Variants in ABCC8 observed in about 807,000 individuals in gnomAD.
ABCC8 encodes ATP-binding cassette sub-family C member 8.
A neutral mutation model predicts 188.0 loss-of-function variants in ABCC8; 137 were observed. The ratio of observed to expected loss-of-function variants is 0.73; its 90% CI spans 0.63 to 0.84. The LOEUF (loss-of-function observed/expected upper bound fraction) is 0.84, where lower values mean the gene tolerates loss of function less well. Among genes scored for constraint, ABCC8 ranks in the 40% least tolerant of loss-of-function variants. The pLI is 0.00. For synonymous variants in ABCC8, 797 were observed against 846.5 expected (o/e 0.94, Z 1.01); for missense variants, 1,750 against 2,072.7 (o/e 0.84, Z 3.02).
intron 16 of ABCC8, among the ~76,000 whole-genome samples, chr11:17,421,191 A>G (rs1380934936): frequency 6.6e-6 from 1 of 152,208 alleles, no homozygotes; most frequent in Non-Finnish European, 1.5e-5. Context: ...CAAAATACAC[A>G]TCTGCATGGG....
At chr11:17,412,840 C>T (rs1302431996) in intron 20 of ABCC8, 94 bp from the exon 21 acceptor site, 18 of 1,548,420 alleles carry the variant, frequency 1.2e-5, no homozygotes, top group Non-Finnish European at 1.5e-5. Flanking sequence ...GGGATGGAGG[C>T]CTGGCTCTAT....
chr11:17,450,313 T>TCTCTCTCTCTCTCTCTTTC (rs1956739660), intron 7 of ABCC8, among the ~76,000 whole-genome samples: 1 of 130,774 alleles, frequency 7.6e-6, no homozygotes, highest in African/African-American at 3.4e-5. Context: ...TTTCTTTCTT[T>TCTCTCTCTCTCTCTCTTTC]CTTTCTTTCT....
chr11:17,432,754 C>A (rs1050642683), intron 10 of ABCC8, among the ~76,000 whole-genome samples: 3 of 152,090 alleles, frequency 2.0e-5, no homozygotes, highest in Non-Finnish European at 4.4e-5. Context: ...GCAGGATGTC[C>A]CTTAGAGTCT....
intron 29 of ABCC8, among the ~76,000 whole-genome samples, chr11:17,400,859 C>T (rs1364434822): frequency 3.9e-5 from 6 of 152,334 alleles, no homozygotes; most frequent in Middle Eastern, 6.8e-3. Flanking sequence ...ACACTTAGCA[C>T]GGTGCCTGGC....
rs1211875269 is a variant in ABCC8, at chr11:17,396,946, G to C, written c.4089C>G (p.His1363Gln). The C allele has an allele frequency of 1.2e-6, 2 of 1,614,088 alleles. No individual in the cohort carries two copies. Among genetic ancestry groups the C allele is most frequent in the Non-Finnish European group, 1.7e-6 (2 of 1,180,030 alleles). Residue 1363 changes from histidine to glutamine, a missense_variant, in exon 33 of 39, where the codon CAC becomes CAG. Transcript: ENST00000389817. ...YDSSLKPVLK[H>Q]VNALIAPGQK... ...GTCCAGGGGCGATGAGGGCATTGAC[G>C]TGCTTCAGCACCGGCTTCAGGGAGC...
chr11:17,408,449 G>A lies in ABCC8; in HGVS notation c.2763C>T (p.Cys921=). The A allele has an allele frequency of 1.2e-6, 2 of 1,613,780 alleles. No individual in the cohort carries two copies. The highest frequency in any genetic ancestry group is 1.7e-6 in the Non-Finnish European group (2 of 1,180,028). ...GTLKDFQRSE[C]QLFEHWKTLM... ...GGGTCTTCCAGTGCTCAAAGAGCTG[G>A]CATTCAGACCTCTGGAAGTCCTTGA... Residue 921 remains cysteine, a synonymous_variant, in exon 23 of 39, where the codon TGC becomes TGT. Coordinates refer to ENST00000389817, the MANE Select transcript of ABCC8 (RefSeq NM_000352.6).
chr11:17,410,229 A>G (rs1954743139), intron 22 of ABCC8: 1 of 415,224 alleles, frequency 2.4e-6, no homozygotes, highest in Non-Finnish European at 4.4e-6. Flanking sequence ...AGAAGGTGAG[A>G]AGTGAGCACT....
chr11:17,398,397 G>T lies in ABCC8; in HGVS notation c.3695C>A (p.Ser1232Tyr). 1 of 1,614,130 alleles carries T rather than the reference G, an allele frequency of 6.2e-7. No individual in the cohort carries two copies. The highest frequency in any genetic ancestry group is 8.5e-7 in the Non-Finnish European group (1 of 1,179,998). ...GAGGAAGAGGGAAGCAATGTTGTTGGAGTCTGTGTATTCGAGAAGCTTCTG... is the reference window on the plus strand; with the variant it reads ...GAGGAAGAGGGAAGCAATGTTGTTGTAGTCTGTGTATTCGAGAAGCTTCTG... Reference protein sequence around the residue: ...FQQKLLEYTDSNNIASLFLTA... With the variant: ...FQQKLLEYTDYNNIASLFLTA... The change falls in exon 30 of 39, where the codon TCC (serine) becomes TAC (tyrosine). Residue 1232 changes from serine (S) to tyrosine (Y), a missense_variant. Ser to Tyr is a moderately radical substitution (Grantham distance 144). Coordinates refer to ENST00000389817, the MANE Select transcript of ABCC8 (RefSeq NM_000352.6).
chr11:17,448,450 A>G (rs1956625684), intron 8 of ABCC8, 66 bp downstream of exon 8: 2 of 1,431,774 alleles, frequency 1.4e-6, no homozygotes, highest in Admixed American at 3.3e-5. Flanking sequence ...GTTACTGGCC[A>G]TGGACCAGCA....
At chr11:17,416,796 C>T (rs1163192560) in intron 17 of ABCC8, 134 bp downstream of exon 17, 6 of 1,368,760 alleles carry the variant, frequency 4.4e-6, no homozygotes, top group Non-Finnish European at 6.1e-6. Flanking sequence ...AGGCCTTAGC[C>T]CCATGTCTCT....
At chr11:17,426,018 AC>A (rs1270361282) in intron 16 of ABCC8, among the ~76,000 whole-genome samples, 7 of 152,092 alleles carry the variant, frequency 4.6e-5, no homozygotes, top group African/African-American at 1.7e-4. Context: ...CACGAACTCA[AC>A]CTTTTTTATG....
At chr11:17,471,677 C>T (rs914290471) in intron 2 of ABCC8, among the ~76,000 whole-genome samples, 3 of 152,220 alleles carry the variant, frequency 2.0e-5, no homozygotes, top group Non-Finnish European at 4.4e-5. Flanking sequence ...GCAGCATGCC[C>T]TCTCTGCTCA....
rs548831332 is a variant in ABCC8, at chr11:17,436,864, G to A, written c.1631-4620C>T. On this transcript the variant is annotated intron_variant, in intron 10 of 38. Transcript: ENST00000389817. ...AGCACTCTGGGAGGCCAAGGTGGGT[G>A]GATCACCTGAGGTCAGGAGTTTGAG... Among the ~76,000 whole-genome samples the A allele has an allele frequency of 5.1e-4, 77 of 152,258 alleles. No individual in the cohort carries two copies. The East Asian group carries it at 0.013, about 25-fold the overall frequency.
intron 7 of ABCC8, 107 bp from the exon 8 acceptor site, chr11:17,448,778 T>C: frequency 6.3e-7 from 1 of 1,590,432 alleles, no homozygotes; most frequent in South Asian, 1.1e-5. Flanking sequence ...ACAGTCCCCA[T>C]GGTGCCCTAG....
intron 17 of ABCC8, 180 bp from the exon 18 acceptor site, chr11:17,415,519 G>A: frequency 6.7e-6 from 6 of 894,848 alleles, no homozygotes; most frequent in Non-Finnish European, 8.0e-6. Context: ...TCTTGGGGAA[G>A]CCTCTGCTGC....
rs770130431 is a variant in ABCC8 at position 17,410,496 on chromosome 11, AC to A, written c.2694+19del. On this transcript the variant is annotated intron_variant, in intron 22 of 38. Coordinates refer to ENST00000389817, the MANE Select transcript of ABCC8 (RefSeq NM_000352.6). ...CCCCAGCCCTGCCCCCTATAGCCTG[AC>A]CCCCTTGTTCCCCCTCACCCAGTCT... The A allele has an allele frequency of 9.3e-6, 15 of 1,612,870 alleles. No individual in the cohort carries two copies. Among genetic ancestry groups the A allele is most frequent in the South Asian group, 7.7e-5 (7 of 90,958 alleles).
In ABCC8 at chr11:17,399,767, T is replaced by C. The variant is rs117533096; in HGVS notation, c.3651-1326A>G. On this transcript the variant is annotated intron_variant, in intron 29 of 38. Transcript: ENST00000389817. ...CCTGGCACTATCAATAAATATTTGT[T>C]GGATGAATGCATGGCACTCCCCTGA... Among the ~76,000 whole-genome samples the C allele has an allele frequency of 2.6e-5, 4 of 152,336 alleles. No homozygotes were observed. The East Asian group carries it at 7.7e-4, about 29-fold the overall frequency.
rs1258771829 is a variant in ABCC8, at chr11:17,427,126, C to T, written c.2145G>A (p.Val715=). The change falls in exon 16 of 39, where the codon GTG becomes GTA. Residue 715 remains valine (V), a synonymous_variant. Coordinates refer to ENST00000389817, the MANE Select transcript of ABCC8 (RefSeq NM_000352.6). The surrounding 1 kb of genome is among the most constrained non-coding windows in gnomAD (Gnocchi z 5.0). ...GAAGGAGCGAGGACTTGCCGCAGCC[C>T]ACCTGCCCCACGATCATAGTCAGCT... ...RGQLTMIVGQ[V]GCGKSSLLLA... The T allele has an allele frequency of 1.9e-6, 3 of 1,613,624 alleles. No individual in the cohort carries two copies. Among genetic ancestry groups the T allele is most frequent in the Non-Finnish European group, 2.5e-6 (3 of 1,179,824 alleles).
At chr11:17,409,248 C>T (rs1358574765) in intron 22 of ABCC8, among the ~76,000 whole-genome samples, 6 of 152,098 alleles carry the variant, frequency 3.9e-5, no homozygotes, top group Admixed American at 1.3e-4. Flanking sequence ...TTAGCCACCG[C>T]GCCCGGCTCA....
Sources: allele counts gnomAD v4.1 joint callset (sites outside exome capture counted in the v4.1 genomes callset), GRCh38; gene constraint gnomAD v4.1.1; non-coding constraint Gnocchi (gnomAD v3.1); transcripts MANE v1.5; gene names NCBI Gene and HGNC (gene_info 2026-07-23, HGNC 2026-07-21).